The following MED27 variants were observed in gnomAD, a reference collection of about 807,000 sequenced individuals.
MED27 encodes mediator of RNA polymerase II transcription subunit 27.
In MED27, 30 loss-of-function variants were observed where a neutral mutation model predicts 38.2. The ratio of observed to expected loss-of-function variants is 0.79; its 90% CI spans 0.59 to 1.07. The LOEUF (loss-of-function observed/expected upper bound fraction) is 1.07, where lower values mean the gene tolerates loss of function less well. MED27 is among the 50% of genes least tolerant of loss of function. The probability of loss-of-function intolerance (pLI) is 0.00; values close to 1 mark genes in which losing one functional copy is unlikely to be tolerated. For synonymous variants in MED27, 122 were observed against 153.5 expected (o/e 0.79, Z 1.52); for missense variants, 289 against 397.5 (o/e 0.73, Z 2.32).
At chr9:131,878,918 T>C (rs1240070486) in intron 6 of MED27, among the ~76,000 whole-genome samples, 1 of 149,642 alleles carries the variant, frequency 6.7e-6, no homozygotes, top group East Asian at 2.0e-4. Flanking sequence ...TAGGACCAAG[T>C]GCAAGGAGCC....
intron 5 of MED27, among the ~76,000 whole-genome samples, chr9:131,891,305 C>A (rs1205800399): frequency 2.0e-5 from 3 of 152,172 alleles, no homozygotes; most frequent in Non-Finnish European, 2.9e-5. Context: ...AGAATGATGC[C>A]AGATGAAGTC....
At chr9:132,013,235 T>C (rs181130824) in intron 3 of MED27, among the ~76,000 whole-genome samples, 13 of 152,322 alleles carry the variant, frequency 8.5e-5, no homozygotes, top group Admixed American at 8.5e-4. Context: ...ATGTGGCATA[T>C]TCAAAGGAAG....
At chr9:131,888,629 C>T (rs763282618) in intron 5 of MED27, among the ~76,000 whole-genome samples, 2 of 152,202 alleles carry the variant, frequency 1.3e-5, no homozygotes, top group South Asian at 2.1e-4. Flanking sequence ...AAATAAAACT[C>T]GTAAGCCACA....
At chr9:131,973,082 A>G (rs1034806001) in intron 3 of MED27, among the ~76,000 whole-genome samples, 1 of 152,252 alleles carries the variant, frequency 6.6e-6, no homozygotes, top group Non-Finnish European at 1.5e-5. Context: ...TTAATCATGA[A>G]CCATCTTCCT....
At chr9:132,004,250 A>C (rs1261373463) in intron 3 of MED27, among the ~76,000 whole-genome samples, 1 of 152,198 alleles carries the variant, frequency 6.6e-6, no homozygotes, top group Non-Finnish European at 1.5e-5. Context: ...TATGCTAATG[A>C]AGCATAACGA....
chr9:132,035,131 C>G (rs544283537), intron 2 of MED27, among the ~76,000 whole-genome samples: 3 of 152,222 alleles, frequency 2.0e-5, no homozygotes, highest in African/African-American at 7.2e-5. Flanking sequence ...TTCCTACAAC[C>G]CACACCACCA....
intron 3 of MED27, among the ~76,000 whole-genome samples, chr9:131,966,723 T>C (rs923982114): frequency 2.0e-5 from 3 of 152,190 alleles, no homozygotes; most frequent in African/African-American, 7.2e-5. Context: ...AGTGCCCAAG[T>C]TCAAGTCCTT....
At chr9:131,896,170 G>A (rs982267520) in intron 4 of MED27, among the ~76,000 whole-genome samples, 2 of 152,126 alleles carry the variant, frequency 1.3e-5, no homozygotes, top group African/African-American at 4.8e-5. Context: ...CAAAGTGCTG[G>A]GATTACAGGC....
In MED27 at chr9:131,871,087, T is replaced by C. The variant is rs957290816; in HGVS notation, c.724-7947A>G. On this transcript the variant is annotated intron_variant, in intron 6 of 7. Coordinates refer to ENST00000292035, the MANE Select transcript of MED27 (RefSeq NM_004269.4). ...CTGTGGACCCCAGATTCAGTGTGCATCCCACTGTGTGCCCGGGATTCAGTG... is the reference window on the plus strand; with the variant it reads ...CTGTGGACCCCAGATTCAGTGTGCACCCCACTGTGTGCCCGGGATTCAGTG... Among the ~76,000 whole-genome samples the C allele has an allele frequency of 2.0e-5, 3 of 152,028 alleles. No individual in the cohort carries two copies. In the East Asian group the frequency reaches 5.8e-4, roughly 29 times the overall value.
intron 3 of MED27, among the ~76,000 whole-genome samples, chr9:131,956,170 A>G (rs765056762): frequency 8.5e-5 from 13 of 152,216 alleles, no homozygotes; most frequent in Non-Finnish European, 1.5e-4. Context: ...TAAGTCAGAA[A>G]AAAATAAATA....
chr9:132,049,343 G>A (rs911813128), intron 2 of MED27, among the ~76,000 whole-genome samples: 5 of 152,136 alleles, frequency 3.3e-5, no homozygotes, highest in Non-Finnish European at 5.9e-5. Context: ...AGAAGATACT[G>A]GTAATCTTAC....
chr9:131,907,991 C>T (rs1457364607), intron 4 of MED27, among the ~76,000 whole-genome samples: 13 of 151,464 alleles, frequency 8.6e-5, no homozygotes, highest in East Asian at 5.9e-4. Flanking sequence ...GCAACCGCCC[C>T]GTCTGAGAAG....
intron 2 of MED27, among the ~76,000 whole-genome samples, chr9:132,024,188 A>G (rs1220407100): frequency 6.6e-6 from 1 of 152,214 alleles, no homozygotes; most frequent in Non-Finnish European, 1.5e-5. Context: ...GCTCAATAAG[A>G]AAGGCAACGT....
At chr9:132,008,824 A>C (rs190683418) in intron 3 of MED27, among the ~76,000 whole-genome samples, 27 of 152,364 alleles carry the variant, frequency 1.8e-4, no homozygotes, top group Middle Eastern at 6.8e-3. Flanking sequence ...GTTGCAGAGA[A>C]AGGTGTGTGA....
intron 2 of MED27, among the ~76,000 whole-genome samples, chr9:132,049,038 C>T (rs1833405247): frequency 1.3e-5 from 2 of 152,224 alleles, no homozygotes; most frequent in Non-Finnish European, 2.9e-5. Context: ...TGTGATTAAG[C>T]ATGACCTTTA....
intron 6 of MED27, chr9:131,868,499 A>G: frequency 1.0e-5 from 9 of 884,878 alleles, no homozygotes; most frequent in Non-Finnish European, 1.1e-5. Flanking sequence ...CTGGTTTCCA[A>G]CTCCTGGCTC....
In MED27 at chr9:131,860,749, A is replaced by G. The variant is rs1009781689; in HGVS notation, c.802-77T>C. The stretch of plus-strand genomic sequence containing the variant: ...AAAGTCCTCCTTCCTATCAAGCCTA[A>G]TGGCCCAGACAACTTAAGTTGGCTT... On this transcript the variant is annotated intron_variant, in intron 7 of 7. Transcript: ENST00000292035. The surrounding 1 kb of genome is among the most constrained non-coding windows in gnomAD (Gnocchi z 5.8). 10 of 1,538,384 alleles carry G rather than the reference A, an allele frequency of 6.5e-6. No homozygotes were observed. The highest frequency in any genetic ancestry group is 8.8e-6 in the Non-Finnish European group (10 of 1,130,402).
chr9:131,995,826 T>A (rs1832079275), intron 3 of MED27, among the ~76,000 whole-genome samples: 1 of 152,130 alleles, frequency 6.6e-6, no homozygotes. Context: ...TGGGGTACCA[T>A]CCTCCAGGAT....
At chr9:131,975,959 G>T (rs1831596443) in intron 3 of MED27, among the ~76,000 whole-genome samples, 1 of 152,160 alleles carries the variant, frequency 6.6e-6, no homozygotes, top group Admixed American at 6.5e-5. Context: ...TGTCAGCTTT[G>T]TTTGATTCTC....
Sources: gnomAD v4.1 joint callset for allele counts (sites outside exome capture counted in the v4.1 genomes callset) on GRCh38, gnomAD v4.1.1 for gene constraint, Gnocchi (gnomAD v3.1) non-coding constraint, MANE v1.5 for transcripts, NCBI Gene and HGNC (gene_info 2026-07-23, HGNC 2026-07-21) for gene names.